DERL1: variants seen among roughly 807,000 people sequenced by gnomAD.
DERL1 encodes derlin-1.
Under a neutral mutation model 41.6 loss-of-function variants are expected in DERL1, and 24 were observed. That is an observed-to-expected ratio of 0.58 (90% CI 0.42 to 0.81). DERL1 has a LOEUF of 0.81. Among genes scored for constraint, DERL1 ranks in the 30% least tolerant of loss-of-function variants. DERL1 has a pLI of 0.00. For synonymous variants in DERL1, 124 were observed against 112.5 expected, an observed-to-expected ratio of 1.10 and a Z score of -0.65; for missense variants, 260 against 314.3, an observed-to-expected ratio of 0.83 and a Z score of 1.31.
Position 123,042,136 on chromosome 8 carries a change from G to A in DERL1, c.-14C>T, listed in dbSNP as rs1453656497. On this transcript the variant is annotated 5_prime_UTR_variant, in exon 1 of 8. Transcript: ENST00000259512. ...GATGTCCGACATCTTCGACCCACAG[G>A]TAGCCAAGATGCACAAGACCGCCCG... 6.3e-7 allele frequency: 1 copy of A among 1,599,580 alleles called. No homozygotes were observed. Among genetic ancestry groups the A allele is most frequent in the Non-Finnish European group, 8.5e-7 (1 of 1,170,562 alleles).
At chr8:123,024,965 A>C in intron 3 of DERL1, 21 bp downstream of exon 3, 2 of 1,609,436 alleles carry the variant, frequency 1.2e-6, no homozygotes, top group Non-Finnish European at 1.7e-6. Flanking sequence ...TTCTGGCCCA[A>C]AATCACAGAC....
intron 6 of DERL1, among the ~76,000 whole-genome samples, chr8:123,020,793 T>TA (rs756428870): frequency 0.66 from 62,076 of 93,974 alleles, 19,502 homozygotes; most frequent in South Asian, 0.75. Context: ...CTACTAAAAA[T>TA]CCCAAAAAAA....
At position 123,015,511 on chromosome 8, in the gene DERL1, G is replaced by C; in HGVS notation, c.692C>G (p.Ala231Gly). The part of the protein sequence containing the change: ...GVPPASMRRA[A>G]DQNGGGGRHN... ...TCTCCCGCCTCCGCCATTCTGATCA[G>C]CAGCTCGCCTCATGCTAGCAGGGGG... Residue 231 changes from alanine (A) to glycine (G), a missense_variant, in exon 8 of 8, where the codon GCT becomes GGT. Transcript: ENST00000259512. 1.2e-6 allele frequency: 2 copies of C among 1,613,404 alleles called. No individual in the cohort carries two copies. Among genetic ancestry groups the C allele is most frequent in the Non-Finnish European group, 1.7e-6 (2 of 1,179,752 alleles).
intron 1 of DERL1, among the ~76,000 whole-genome samples, chr8:123,036,694 A>G (rs1230405271): frequency 6.6e-6 from 1 of 152,188 alleles, no homozygotes; most frequent in Admixed American, 6.6e-5. Flanking sequence ...ACTACTAAGG[A>G]AAGATCTTAA....
chr8:123,039,238 C>A (rs1045671557), intron 1 of DERL1, among the ~76,000 whole-genome samples: 21 of 152,170 alleles, frequency 1.4e-4, no homozygotes, highest in African/African-American at 5.1e-4. Context: ...CCTCCTTCAA[C>A]CCCCTCCATA....
At chr8:123,019,102 A>G in intron 7 of DERL1, 93 bp downstream of exon 7, 2 of 846,726 alleles carry the variant, frequency 2.4e-6, no homozygotes, top group South Asian at 2.9e-5. Context: ...GATGGGGCAT[A>G]GGGGTAAATC....
intron 7 of DERL1, chr8:123,018,904 C>T: frequency 2.5e-6 from 1 of 400,386 alleles, no homozygotes; most frequent in East Asian, 5.8e-5. Context: ...GTTTCGCACT[C>T]TGGAGTTGCA....
In DERL1 at chr8:123,015,460, A is replaced by G. The variant is rs767281160; in HGVS notation, c.743T>C (p.Leu248Pro). Residue 248 changes from leucine to proline, a missense_variant, in exon 8 of 8, where the codon CTT becomes CCT. Coordinates refer to ENST00000259512, the MANE Select transcript of DERL1 (RefSeq NM_024295.6). ...GRHNWGQGFRLGDQ is the reference protein window; with the variant it reads ...GRHNWGQGFRPGDQ ...GAGGCCGCCCCTTCACTGGTCTCCA[A>G]GTCGAAAGCCCTGGCCCCAGTTGTG... 2.4e-5 allele frequency: 39 copies of G among 1,612,900 alleles called. No individual in the cohort carries two copies. The highest frequency in any genetic ancestry group is 3.1e-5 in the Non-Finnish European group (37 of 1,179,554).
chr8:123,030,240 T>C (rs1434486376), intron 2 of DERL1: 4 of 170,504 alleles, frequency 2.3e-5, no homozygotes, highest in African/African-American at 7.2e-5. Context: ...GAGACATATA[T>C]ACTCCAGCCC....
chr8:123,023,261 A>C (rs1812604978), intron 4 of DERL1, among the ~76,000 whole-genome samples: 1 of 152,188 alleles, frequency 6.6e-6, no homozygotes, highest in African/African-American at 2.4e-5. Flanking sequence ...AGATCCTCAA[A>C]ATAAAACAGC....
At chr8:123,021,308 G>T in intron 6 of DERL1, 139 bp downstream of exon 6, 1 of 767,076 alleles carries the variant, frequency 1.3e-6, no homozygotes, top group South Asian at 1.8e-5. Context: ...CAATCGAAGT[G>T]AAATTATTCC....
chr8:123,041,914 C>A (rs1478759390), intron 1 of DERL1, 56 bp downstream of exon 1: 2 of 1,506,474 alleles, frequency 1.3e-6, no homozygotes, highest in Non-Finnish European at 1.8e-6. Flanking sequence ...TACGCTTAGC[C>A]GCCGCTGGGC....
intron 2 of DERL1, among the ~76,000 whole-genome samples, chr8:123,029,973 T>C (rs55707357): frequency 0.012 from 1,834 of 152,140 alleles, 34 homozygotes; most frequent in African/African-American, 0.042. Flanking sequence ...GGCATGAGAA[T>C]TGCTTGAACC....
At position 123,020,738 on chromosome 8, in the gene DERL1, T is replaced by C. The variant is rs893669795; in HGVS notation, c.506+709A>G. 1.1e-4 allele frequency among the ~76,000 whole-genome samples: 15 copies of C among 142,664 alleles called. No homozygotes were observed. The South Asian group carries it at 3.3e-3, about 31-fold the overall frequency. The allele number at this position is 142,664 out of a possible 152,430, so 93.6% of individuals were successfully genotyped here. A position where few individuals can be genotyped will look rare whatever the true frequency, so the allele number is the denominator to read the frequency against. ...GCCAAGGCAGGCAGATCATTTGAGG[T>C]CAGGAGTTTGAGACCAGCCTGGCAA... On this transcript the variant is annotated intron_variant, in intron 6 of 7. Transcript: ENST00000259512.
At chr8:123,019,599 C>T (rs1217120705) in intron 6 of DERL1, among the ~76,000 whole-genome samples, 1 of 152,168 alleles carries the variant, frequency 6.6e-6, no homozygotes, top group Non-Finnish European at 1.5e-5. Context: ...CTTCCTGCCT[C>T]AAGAGTTGGG....
At chr8:123,017,514 C>A (rs1251208761) in intron 7 of DERL1, 1 of 152,060 alleles carries the variant, frequency 6.6e-6, no homozygotes, top group African/African-American at 2.4e-5. Context: ...AAAAAGATAC[C>A]CAATTATACA....
At chr8:123,026,837 G>A (rs1037468153) in intron 2 of DERL1, among the ~76,000 whole-genome samples, 1 of 151,472 alleles carries the variant, frequency 6.6e-6, no homozygotes, top group African/African-American at 2.4e-5. Flanking sequence ...ATATCCATAC[G>A]ATGGAATCTT....
At chr8:123,039,686 G>A (rs543402283) in intron 1 of DERL1, among the ~76,000 whole-genome samples, 1 of 152,230 alleles carries the variant, frequency 6.6e-6, no homozygotes, top group East Asian at 1.9e-4. Flanking sequence ...CTTAAAACAC[G>A]TGCCTCTATG....
intron 4 of DERL1, 67 bp from the exon 5 acceptor site, chr8:123,022,846 T>A (rs1812597327): frequency 7.7e-7 from 1 of 1,307,118 alleles, no homozygotes; most frequent in Admixed American, 1.7e-5. Context: ...ACATCTACTA[T>A]GCTTTTTACC....
Sources: gnomAD v4.1 joint callset for allele counts (sites outside exome capture counted in the v4.1 genomes callset) on GRCh38, gnomAD v4.1.1 for gene constraint, MANE v1.5 for transcripts, NCBI Gene and HGNC (gene_info 2026-07-23, HGNC 2026-07-21) for gene names.